NOVA2: variants seen among roughly 807,000 people sequenced by gnomAD.
NOVA2 encodes NOVA alternative splicing regulator 2.
Under a neutral mutation model 22.5 loss-of-function variants are expected in NOVA2, and 9 were observed. That is an observed-to-expected ratio of 0.40 (90% CI 0.24 to 0.70). The LOEUF (loss-of-function observed/expected upper bound fraction) is 0.70, where lower values mean the gene tolerates loss of function less well. Among genes scored for constraint, NOVA2 ranks in the 30% least tolerant of loss-of-function variants. The pLI is 0.38. For synonymous variants in NOVA2, 318 were observed against 335.2 expected (o/e 0.95, Z 0.56); for missense variants, 383 against 682.8 (o/e 0.56, Z 4.89).
chr19:45,948,700 G>A (rs1050002787), intron 3 of NOVA2, among the ~76,000 whole-genome samples: 8 of 151,938 alleles, frequency 5.3e-5, no homozygotes, highest in Admixed American at 2.0e-4. Context: ...CCACATCTGC[G>A]GTACAGCTAT....
chr19:45,967,065 A>G lies in NOVA2; in HGVS notation c.86-5912T>C, dbSNP rs1019662310. Among the ~76,000 whole-genome samples the G allele has an allele frequency of 9.9e-5, 15 of 152,180 alleles. No individual in the cohort carries two copies. The East Asian group carries it at 2.3e-3, about 24-fold the overall frequency. On this transcript the variant is annotated intron_variant, in intron 1 of 3. Transcript: ENST00000263257. Reference sequence around the variant, plus strand: ...GGCTTGATGGTCCCTGTATCAGACTAGTGCAAATCTGACGCCTGGAGCCCC... The same window carrying G: ...GGCTTGATGGTCCCTGTATCAGACTGGTGCAAATCTGACGCCTGGAGCCCC...
chr19:45,968,977 G>A (rs1968200864), intron 1 of NOVA2, among the ~76,000 whole-genome samples: 1 of 151,626 alleles, frequency 6.6e-6, no homozygotes, highest in Admixed American at 6.6e-5. Context: ...TGGTCAACAT[G>A]ATGAAACCCC....
At position 45,939,930 on chromosome 19, in the gene NOVA2, T is replaced by C. The variant is rs1286349939; in HGVS notation, c.1412A>G (p.Tyr471Cys). ...GSPAATQAAQ[Y>C]LISQRVTYEQ... Reference sequence around the variant, plus strand: ...GTAGGTGACCCGCTGACTGATGAGGTATTGAGCGGCTTGCGTGGCCGCGGG... The same window carrying C: ...GTAGGTGACCCGCTGACTGATGAGGCATTGAGCGGCTTGCGTGGCCGCGGG... Residue 471 changes from tyrosine (Y) to cysteine (C), a missense_variant, in exon 4 of 4, where the codon TAC becomes TGC. By Grantham distance (194) the Tyr-to-Cys change is radical (BLOSUM62 -2). Around this residue, in one of 2 missense-constraint regions of NOVA2, gnomAD observed 34 missense variants for 104.7 expected, o/e 0.32. Coordinates refer to ENST00000263257, the MANE Select transcript of NOVA2 (RefSeq NM_002516.4). 1 of 1,613,958 alleles carries C rather than the reference T, an allele frequency of 6.2e-7. No individual in the cohort carries two copies. Among genetic ancestry groups the C allele is most frequent in the African/African-American group, 1.3e-5 (1 of 74,910 alleles).
chr19:45,973,409 CGG>C lies in NOVA2; in HGVS notation c.-60_-59del. ...GCGGCGGCTGCGGCGGCGGCGGCGGCGGCTGCTGTGGCGGCGGCGACGGCTGC... is the reference window on the plus strand; with the variant it reads ...GCGGCGGCTGCGGCGGCGGCGGCGGCCTGCTGTGGCGGCGGCGACGGCTGC... On this transcript the variant is annotated 5_prime_UTR_variant, in exon 1 of 4. Transcript: ENST00000263257. 1 of 406,948 alleles carries C rather than the reference CGG, an allele frequency of 2.5e-6. No homozygotes were observed. The highest frequency in any genetic ancestry group is 3.5e-6 in the Non-Finnish European group (1 of 285,140). 25.2% of individuals were successfully genotyped at this position (406,948 alleles called of 1,614,324 possible).
rs777287896 is a variant in NOVA2 at position 45,940,544 on chromosome 19, G to C, written c.798C>G (p.Ala266=). 6.7e-7 allele frequency: 1 copy of C among 1,487,156 alleles called. No individual in the cohort carries two copies. The highest frequency in any genetic ancestry group is 3.1e-5 in the East Asian group (1 of 32,734). The allele number at this position is 1,487,156 out of a possible 1,614,324, so 92.1% of individuals were successfully genotyped here. ...AGLAGVGAFP[A]ALPAFSGTDL... is the part of the protein sequence containing the mutation. ...CGGTGCCTGAGAAGGCGGGCAGCGC[G>C]GCGGGAAAGGCCCCCACGCCAGCCA... is the stretch of plus-strand genomic sequence containing the variant. The change falls in exon 4 of 4, where the codon GCC becomes GCG. Residue 266 remains alanine, a synonymous_variant. Transcript: ENST00000263257.
Position 45,940,482 on chromosome 19 carries a change from G to T in NOVA2, c.860C>A (p.Ala287Glu). Residue 287 changes from alanine to glutamate, a missense_variant, in exon 4 of 4, where the codon GCA becomes GAA. Coordinates refer to ENST00000263257, the MANE Select transcript of NOVA2 (RefSeq NM_002516.4). ...LAISTALNTLASYGYNTNSLG... is the reference protein window; with the variant it reads ...LAISTALNTLESYGYNTNSLG... ...GGAGTTGGTGTTGTAGCCGTAACTTGCCAGCGTGTTAAGCGCCGTGCTGAT... is the reference window on the plus strand; with the variant it reads ...GGAGTTGGTGTTGTAGCCGTAACTTTCCAGCGTGTTAAGCGCCGTGCTGAT... 6.5e-7 allele frequency: 1 copy of T among 1,532,578 alleles called. No homozygotes were observed. The allele number at this position is 1,532,578 out of a possible 1,614,324, so 94.9% of individuals were successfully genotyped here. A position where few individuals can be genotyped will look rare whatever the true frequency, so the allele number is the denominator to read the frequency against.
intron 3 of NOVA2, among the ~76,000 whole-genome samples, chr19:45,948,226 G>A (rs929627521): frequency 1.3e-5 from 2 of 152,088 alleles, no homozygotes; most frequent in African/African-American, 4.8e-5. Context: ...TAAGTGACAT[G>A]TGCTGAGCAC....
At chr19:45,946,842 T>A (rs1291836834) in intron 3 of NOVA2, among the ~76,000 whole-genome samples, 1 of 150,414 alleles carries the variant, frequency 6.6e-6, no homozygotes, top group Non-Finnish European at 1.5e-5. Flanking sequence ...ACCACTGCAT[T>A]CCAGCCTGGT....
chr19:45,943,116 C>T (rs531558355), intron 3 of NOVA2, among the ~76,000 whole-genome samples: 5 of 149,030 alleles, frequency 3.4e-5, no homozygotes, highest in South Asian at 2.1e-4. Flanking sequence ...CACAGTGGTG[C>T]GATCTCGGCT....
At chr19:45,952,427 C>T (rs1967940155) in intron 3 of NOVA2, among the ~76,000 whole-genome samples, 1 of 152,186 alleles carries the variant, frequency 6.6e-6, no homozygotes, top group South Asian at 2.1e-4. Flanking sequence ...CAGCTATGAT[C>T]TCCCTCAGTC....
intron 3 of NOVA2, among the ~76,000 whole-genome samples, chr19:45,949,634 C>G (rs999527392): frequency 6.6e-5 from 10 of 151,988 alleles, no homozygotes; most frequent in Admixed American, 2.0e-4. Context: ...CCGATCCATA[C>G]GATTTGTGCA....
intron 1 of NOVA2, chr19:45,967,355 T>C (rs1968180322): frequency 6.6e-6 from 1 of 152,102 alleles, no homozygotes; most frequent in African/African-American, 2.4e-5. Context: ...CCCTCAGCCA[T>C]TACGCACGCC....
chr19:45,956,670 A>T (rs972252664), intron 2 of NOVA2, among the ~76,000 whole-genome samples: 2 of 152,170 alleles, frequency 1.3e-5, no homozygotes, highest in Non-Finnish European at 1.5e-5. Context: ...GGATTTCACC[A>T]TGCTGGCCAG....
intron 2 of NOVA2, among the ~76,000 whole-genome samples, chr19:45,956,721 G>T (rs1301506627): frequency 6.6e-6 from 1 of 152,236 alleles, no homozygotes; most frequent in Non-Finnish European, 1.5e-5. Flanking sequence ...CTCCCAAAGT[G>T]CTGGGATTAC....
chr19:45,942,028 G>T (rs981151721), intron 3 of NOVA2, among the ~76,000 whole-genome samples: 1 of 152,122 alleles, frequency 6.6e-6, no homozygotes, highest in Non-Finnish European at 1.5e-5. Context: ...AGCCTCTTGA[G>T]GCCCAAGAGG....
rs1968258419 is a variant in NOVA2, at chr19:45,973,292, G to C, written c.60C>G (p.Val20=). ...CTCCCGTGTTGCTGCGCTTGGTGCA[G>C]ACCACCTCGGGGGGCGTTTCGAGGG... is the stretch of plus-strand genomic sequence containing the variant. The part of the protein sequence containing the change: ...KRPLETPPEV[V]CTKRSNTGEE... The change falls in exon 1 of 4, where the codon GTC becomes GTG. Residue 20 remains valine, a synonymous_variant. Transcript: ENST00000263257. 8 of 1,394,364 alleles carry C rather than the reference G, an allele frequency of 5.7e-6. No individual in the cohort carries two copies. Among genetic ancestry groups the C allele is most frequent in the African/African-American group, 1.5e-5 (1 of 67,456 alleles). 86.4% of individuals were successfully genotyped at this position (1,394,364 alleles called of 1,614,324 possible). A position where few individuals can be genotyped will look rare whatever the true frequency, so the allele number is the denominator to read the frequency against.
chr19:45,934,683 AG>A lies in NOVA2; in HGVS notation c.*5179del, dbSNP rs1967632871. 6.6e-6 allele frequency: 1 copy of A among 152,128 alleles called. No individual in the cohort carries two copies. Among genetic ancestry groups the A allele is most frequent in the Non-Finnish European group, 1.5e-5 (1 of 68,038 alleles). The allele number at this position is 152,128 out of a possible 1,614,324, so 9.4% of individuals were successfully genotyped here. A position where few individuals can be genotyped will look rare whatever the true frequency, so the allele number is the denominator to read the frequency against. On this transcript the variant is annotated 3_prime_UTR_variant, in exon 4 of 4. Coordinates refer to ENST00000263257, the MANE Select transcript of NOVA2 (RefSeq NM_002516.4). ...GTACAAAAGTGACTATTTACAATGA[AG>A]GCGTGGGGAGTGTGTGGGGGGCACA...
At chr19:45,965,667 T>C in intron 1 of NOVA2, among the ~76,000 whole-genome samples, 1 of 151,948 alleles carries the variant, frequency 6.6e-6, no homozygotes, top group Admixed American at 6.6e-5. Context: ...GAGGCAGAGG[T>C]TGCAGTGAGC....
intron 3 of NOVA2, among the ~76,000 whole-genome samples, chr19:45,950,058 G>GT (rs1384321371): frequency 2.6e-5 from 4 of 151,404 alleles, no homozygotes; most frequent in Non-Finnish European, 5.9e-5. Flanking sequence ...TTATTCTTTA[G>GT]TAACTGTGTG....
Sources: gnomAD v4.1 joint callset for allele counts (sites outside exome capture counted in the v4.1 genomes callset) on GRCh38, gnomAD v4.1.1 for gene constraint, gnomAD v4.1.1 regional missense constraint, MANE v1.5 for transcripts, NCBI Gene and HGNC (gene_info 2026-07-23, HGNC 2026-07-21) for gene names.